SLC39A8: variants seen among roughly 807,000 people sequenced by gnomAD.
SLC39A8 encodes solute carrier family 39 member 8.
SLC39A8 carries 15 observed loss-of-function variants against 40.4 expected under a neutral mutation model. That is an observed-to-expected ratio of 0.37 (90% CI 0.25 to 0.57). The LOEUF is 0.57. Ranked by LOEUF, SLC39A8 falls within the 20% of genes least tolerant of loss-of-function variation. The probability of loss-of-function intolerance (pLI) is 0.75; values close to 1 mark genes in which losing one functional copy is unlikely to be tolerated. For missense variants in SLC39A8, 472 were observed against 558.8 expected (o/e 0.84, Z 1.57); for synonymous variants, 223 against 221.6 (o/e 1.01, Z -0.06).
At chr4:102,275,069 T>C (rs1248898508) in intron 6 of SLC39A8, among the ~76,000 whole-genome samples, 1 of 152,194 alleles carries the variant, frequency 6.6e-6, no homozygotes, top group Non-Finnish European at 1.5e-5. Flanking sequence ...ACAGCTAGCA[T>C]CATAATGACA....
At chr4:102,335,983 A>C (rs1265603256) in intron 2 of SLC39A8, among the ~76,000 whole-genome samples, 1 of 152,218 alleles carries the variant, frequency 6.6e-6, no homozygotes, top group East Asian at 1.9e-4. Context: ...TAATGTAGCT[A>C]TATCGAGTAA....
intron 2 of SLC39A8, among the ~76,000 whole-genome samples, chr4:102,340,990 A>G (rs1360596712): frequency 6.6e-6 from 1 of 152,198 alleles, no homozygotes; most frequent in African/African-American, 2.4e-5. Context: ...AGTTTAGTTT[A>G]GTGGGTGCTA....
At chr4:102,251,497 C>T (rs1389199505) in exon 12 of SLC39A8, 2 of 152,166 alleles carry the variant, frequency 1.3e-5, no homozygotes, top group African/African-American at 4.8e-5. Flanking sequence ...AAAACTCGAC[C>T]TCTGTCCTCT....
chr4:102,330,140 AG>A (rs1735388706), intron 2 of SLC39A8, among the ~76,000 whole-genome samples: 1 of 152,204 alleles, frequency 6.6e-6, no homozygotes, highest in South Asian at 2.1e-4. Flanking sequence ...CAAATTCAAA[AG>A]CTGGCAGAAG....
At chr4:102,299,381 T>G (rs1279924648) in intron 6 of SLC39A8, among the ~76,000 whole-genome samples, 1 of 151,974 alleles carries the variant, frequency 6.6e-6, no homozygotes, top group African/African-American at 2.4e-5. Context: ...GGTGGAAAGT[T>G]TGGAATCTGT....
Position 102,267,495 on chromosome 4 carries a change from C to G in SLC39A8, c.1228G>C (p.Asp410His), listed in dbSNP as rs1313289955. 1 of 1,595,360 alleles carries G rather than the reference C, an allele frequency of 6.3e-7. No homozygotes were observed. Among genetic ancestry groups the G allele is most frequent in the Non-Finnish European group, 8.5e-7 (1 of 1,173,928 alleles). ...ACAAATTTTAAGCTTCTTACCATATCTGCCAGAGAAATATAGAGGAACATG... is the reference window on the plus strand; with the variant it reads ...ACAAATTTTAAGCTTCTTACCATATGTGCCAGAGAAATATAGAGGAACATG... ...GGMFLYISLA[D>H]MFPEMNDMLR... The change falls in exon 8 of 9, where the codon GAT (aspartate) becomes CAT (histidine). Residue 410 changes from aspartate (D) to histidine (H), a missense_variant. Asp to His is a moderately conservative substitution (Grantham distance 81). Transcript: ENST00000356736.
intron 2 of SLC39A8, among the ~76,000 whole-genome samples, chr4:102,322,045 C>T (rs904951967): frequency 6.6e-6 from 1 of 152,088 alleles, no homozygotes; most frequent in Non-Finnish European, 1.5e-5. Flanking sequence ...AGACATGTAA[C>T]CCTTGGGTTT....
intron 6 of SLC39A8, among the ~76,000 whole-genome samples, chr4:102,296,756 ATT>A (rs1300187377): frequency 6.6e-6 from 1 of 152,136 alleles, no homozygotes; most frequent in Non-Finnish European, 1.5e-5. Flanking sequence ...CCAGGAAAGT[ATT>A]ACAGCAGCTA....
intron 2 of SLC39A8, among the ~76,000 whole-genome samples, chr4:102,326,994 A>G (rs946629867): frequency 9.2e-5 from 14 of 152,096 alleles, no homozygotes; most frequent in Non-Finnish European, 1.9e-4. Context: ...AAAATTACAC[A>G]TTTCTGGCCT....
chr4:102,269,274 G>A (rs1472226368), intron 6 of SLC39A8, among the ~76,000 whole-genome samples: 4 of 152,210 alleles, frequency 2.6e-5, no homozygotes. Context: ...ACACTTTGGG[G>A]ACCAACACTT....
At chr4:102,329,020 T>C (rs1735336528) in intron 2 of SLC39A8, among the ~76,000 whole-genome samples, 2 of 138,168 alleles carry the variant, frequency 1.4e-5, no homozygotes, top group Non-Finnish European at 3.2e-5. Flanking sequence ...AGAGAGAGAC[T>C]GAATCTCAAA....
At chr4:102,282,927 C>T (rs537809698) in intron 6 of SLC39A8, among the ~76,000 whole-genome samples, 63 of 152,240 alleles carry the variant, frequency 4.1e-4, no homozygotes, top group African/African-American at 1.4e-3. Context: ...AGGGTTTCAC[C>T]GTGTTAGCCG....
intron 2 of SLC39A8, among the ~76,000 whole-genome samples, chr4:102,340,725 G>T (rs547099467): frequency 9.8e-5 from 15 of 152,296 alleles, no homozygotes; most frequent in African/African-American, 3.1e-4. Context: ...GCTGAACACA[G>T]GAATAGAAGT....
chr4:102,292,681 T>C (rs1327441201), intron 6 of SLC39A8, among the ~76,000 whole-genome samples: 2 of 152,028 alleles, frequency 1.3e-5, no homozygotes, highest in Admixed American at 1.3e-4. Context: ...GTCATTGAAA[T>C]AGAGGACTTT....
At chr4:102,256,239 C>T (rs980147789) in intron 11 of SLC39A8, among the ~76,000 whole-genome samples, 3 of 152,132 alleles carry the variant, frequency 2.0e-5, no homozygotes, top group Non-Finnish European at 4.4e-5. Flanking sequence ...GCAGCAGTCC[C>T]GGTGTTCTCA....
chr4:102,332,876 T>C (rs1269051171), intron 2 of SLC39A8, among the ~76,000 whole-genome samples: 1 of 152,172 alleles, frequency 6.6e-6, no homozygotes, highest in African/African-American at 2.4e-5. Context: ...GAGACATGGA[T>C]GAAGCTGGAA....
At chr4:102,267,428 T>G (rs1250115305) in intron 8 of SLC39A8, 62 bp downstream of exon 8, 11 of 1,452,928 alleles carry the variant, frequency 7.6e-6, no homozygotes, top group Non-Finnish European at 1.0e-5. Context: ...AGTTAACTTA[T>G]AATCCAGATA....
intron 6 of SLC39A8, among the ~76,000 whole-genome samples, chr4:102,269,165 A>T (rs1732238131): frequency 6.7e-6 from 1 of 149,538 alleles, no homozygotes; most frequent in Admixed American, 6.6e-5. Context: ...GATACATTAA[A>T]AAAAAAACAT....
rs1038495436 is a variant in SLC39A8 at position 102,262,839 on chromosome 4, C to T, written c.*205G>A. The T allele has an allele frequency of 3.0e-6, 4 of 1,344,468 alleles. No homozygotes were observed. The African/African-American group carries it at 6.0e-5, about 20-fold the overall frequency. The allele number at this position is 1,344,468 out of a possible 1,614,324, so 83.3% of individuals were successfully genotyped here. A position where few individuals can be genotyped will look rare whatever the true frequency, so the allele number is the denominator to read the frequency against. On this transcript the variant is annotated 3_prime_UTR_variant, in exon 9 of 9. Transcript: ENST00000356736. ...AAAGGCTCCTATATACCAGGCATCT[C>T]AGACTGACACTGAAAACCTTTTGAA...
Sources: gnomAD v4.1 joint callset for allele counts (sites outside exome capture counted in the v4.1 genomes callset) on GRCh38, gnomAD v4.1.1 for gene constraint, MANE v1.5 for transcripts, NCBI Gene and HGNC (gene_info 2026-07-23, HGNC 2026-07-21) for gene names.